Variants in EPHA4 observed in about 807,000 individuals in gnomAD.
EPHA4 encodes the protein ephrin type-A receptor 4.
In EPHA4, 19 loss-of-function variants were observed where a neutral mutation model predicts 108.3. The ratio of observed to expected loss-of-function variants is 0.18; its 90% CI spans 0.12 to 0.26. The LOEUF (loss-of-function observed/expected upper bound fraction) is 0.26, where lower values mean the gene tolerates loss of function less well. Among genes scored for constraint, EPHA4 ranks in the 10% least tolerant of loss-of-function variants. The pLI is 1.00. For synonymous variants in EPHA4, 449 were observed against 455.5 expected (o/e 0.99, Z 0.18); for missense variants, 917 against 1,254.0 (o/e 0.73, Z 4.06).
chr2:221,548,547 CTTT>C (rs554591058), intron 3 of EPHA4, among the ~76,000 whole-genome samples: 4,419 of 146,932 alleles, frequency 0.03, 115 homozygotes, highest in Non-Finnish European at 0.046. Context: ...AATTAAACCA[CTTT>C]TTTTTTTTAA....
At position 221,501,180 on chromosome 2, in the gene EPHA4, G is replaced by C. The variant is rs769261918; in HGVS notation, c.824-8C>G. 3 of 1,561,928 alleles carry C rather than the reference G, an allele frequency of 1.9e-6. No individual in the cohort carries two copies. Among genetic ancestry groups the C allele is most frequent in the Non-Finnish European group, 8.6e-7 (1 of 1,157,384 alleles). On this transcript the variant is annotated splice_region_variant and splice_polypyrimidine_tract_variant and intron_variant, in intron 3 of 17. Transcript: ENST00000281821. ...AATATCCAATTTTGCAAGCTGCAGG[G>C]AAGAAGAAAAAAACAAACAAATAGA...
In EPHA4 at chr2:221,469,488, T is replaced by A. The variant is rs186034634; in HGVS notation, c.1319-11498A>T. On this transcript the variant is annotated intron_variant, in intron 5 of 17. Coordinates refer to ENST00000281821, the MANE Select transcript of EPHA4 (RefSeq NM_004438.5). ...CCTTTTAAATTAGATTTCTATTTTT[T>A]ATTTCTCAAACTAACAGAACCCATG... Among the ~76,000 whole-genome samples the A allele has an allele frequency of 3.3e-3, 507 of 152,330 alleles. 2 individuals are homozygous for A. Among genetic ancestry groups the A allele is most frequent in the African/African-American group, 0.012 (487 of 41,590 alleles).
chr2:221,562,201 C>T (rs897700615), intron 3 of EPHA4, among the ~76,000 whole-genome samples: 1 of 141,594 alleles, frequency 7.1e-6, no homozygotes, highest in Admixed American at 7.2e-5. Context: ...TAAATTTACA[C>T]ATTTCCTTTT....
At chr2:221,567,102 T>C (rs2106212666) in intron 2 of EPHA4, among the ~76,000 whole-genome samples, 1 of 152,226 alleles carries the variant, frequency 6.6e-6, no homozygotes, top group African/African-American at 2.4e-5. Flanking sequence ...CAGTCCTTGC[T>C]GTCATATAGC....
At chr2:221,421,646 A>G (rs1329353725) in intron 17 of EPHA4, among the ~76,000 whole-genome samples, 1 of 152,226 alleles carries the variant, frequency 6.6e-6, no homozygotes, top group Non-Finnish European at 1.5e-5. Context: ...TTGTCACATA[A>G]TCAACTCAAA....
At chr2:221,529,904 C>A (rs1693456097) in intron 3 of EPHA4, among the ~76,000 whole-genome samples, 1 of 152,170 alleles carries the variant, frequency 6.6e-6, no homozygotes, top group African/African-American at 2.4e-5. Context: ...AGAAAAAGGG[C>A]TCTCTTGTGA....
At chr2:221,499,747 TA>T (rs57083472) in intron 4 of EPHA4, among the ~76,000 whole-genome samples, 1,838 of 56,480 alleles carry the variant, frequency 0.033, 36 homozygotes, top group African/African-American at 0.052. Flanking sequence ...TATATATATA[TA>T]TATATATATT....
In EPHA4 at chr2:221,501,161, C is replaced by G; in HGVS notation, c.835G>C (p.Gly279Arg). ...RSGECQACKI[G>R]YYKALSTDAT... The stretch of plus-strand genomic sequence containing the variant: ...TCCGTGGAGAGAGCCTTGTAATATC[C>G]AATTTTGCAAGCTGCAGGGAAGAAG... Residue 279 changes from glycine (G) to arginine (R), a missense_variant, in exon 4 of 18, where the codon GGA becomes CGA. Around this residue, in one of 3 missense-constraint regions of EPHA4, gnomAD observed 758 missense variants for 1,076.7 expected, o/e 0.70. Coordinates refer to ENST00000281821, the MANE Select transcript of EPHA4 (RefSeq NM_004438.5). 6.3e-7 allele frequency: 1 copy of G among 1,598,424 alleles called. No individual in the cohort carries two copies. The highest frequency in any genetic ancestry group is 8.5e-7 in the Non-Finnish European group (1 of 1,173,526).
intron 4 of EPHA4, among the ~76,000 whole-genome samples, chr2:221,492,212 G>C (rs905956704): frequency 6.6e-6 from 1 of 152,034 alleles, no homozygotes; most frequent in African/African-American, 2.4e-5. Flanking sequence ...TAATAACCTG[G>C]CTAAATGGCA....
chr2:221,459,766 A>G (rs1435263803), intron 5 of EPHA4, among the ~76,000 whole-genome samples: 1 of 152,232 alleles, frequency 6.6e-6, no homozygotes, highest in African/African-American at 2.4e-5. Context: ...CACTCCATAA[A>G]AAGGAGCTCT....
In EPHA4 at chr2:221,566,824, A is replaced by G. The variant is rs1489022653; in HGVS notation, c.159+1894T>C. 2.4e-4 allele frequency among the ~76,000 whole-genome samples: 33 copies of G among 140,018 alleles called. 2 individuals carry two copies. Among genetic ancestry groups the G allele is most frequent in the African/African-American group, 8.1e-4 (29 of 35,616 alleles). The allele number at this position is 140,018 out of a possible 152,430, so 91.9% of individuals were successfully genotyped here. Reference sequence around the variant, plus strand: ...GAGGGAGAAGAAGAAGAAGGAGAAGAAGGAGAAGGAGAAGAAGGAGAAGGA... The same window carrying G: ...GAGGGAGAAGAAGAAGAAGGAGAAGGAGGAGAAGGAGAAGAAGGAGAAGGA... On this transcript the variant is annotated intron_variant, in intron 2 of 17. Coordinates refer to ENST00000281821, the MANE Select transcript of EPHA4 (RefSeq NM_004438.5).
chr2:221,449,906 AG>A (rs1297349019), intron 8 of EPHA4, among the ~76,000 whole-genome samples: 1 of 152,250 alleles, frequency 6.6e-6, no homozygotes, highest in African/African-American at 2.4e-5. Context: ...GTCCCTTTCC[AG>A]CACTGAACGG....
At chr2:221,560,660 T>C (rs571848479) in intron 3 of EPHA4, among the ~76,000 whole-genome samples, 1 of 152,324 alleles carries the variant, frequency 6.6e-6, no homozygotes, top group South Asian at 2.1e-4. Flanking sequence ...TTGCATGATC[T>C]CTGAGGTGAC....
chr2:221,446,839 G>T (rs1003750418), intron 8 of EPHA4, among the ~76,000 whole-genome samples: 1 of 152,264 alleles, frequency 6.6e-6, no homozygotes, highest in South Asian at 2.1e-4. Context: ...GTAAAAAAAT[G>T]AGCAAGGGTA....
In EPHA4 at chr2:221,425,285, C is replaced by T. The variant is rs1025695381; in HGVS notation, c.*743G>A. On this transcript the variant is annotated 3_prime_UTR_variant, in exon 17 of 18. Coordinates refer to ENST00000281821, the MANE Select transcript of EPHA4 (RefSeq NM_004438.5). ...ATTCCAGATTGTCACAGCCCACTAT[C>T]CACAAGATAGTTAGGACAAGTTTGT... is the stretch of plus-strand genomic sequence containing the variant. 8 of 152,150 alleles carry T rather than the reference C, an allele frequency of 5.3e-5. No individual in the cohort carries two copies. Among genetic ancestry groups the T allele is most frequent in the Admixed American group, 3.9e-4 (6 of 15,214 alleles). 9.4% of individuals were successfully genotyped at this position (152,150 alleles called of 1,614,324 possible). A position where few individuals can be genotyped will look rare whatever the true frequency, so the allele number is the denominator to read the frequency against.
At chr2:221,445,972 T>A (rs1405807731) in intron 9 of EPHA4, 151 bp downstream of exon 9, 1 of 361,660 alleles carries the variant, frequency 2.8e-6, no homozygotes, top group Non-Finnish European at 4.7e-6. Flanking sequence ...CCATTTCAGT[T>A]TGATACCTAG....
intron 3 of EPHA4, among the ~76,000 whole-genome samples, chr2:221,552,499 C>T (rs1286068233): frequency 6.6e-5 from 10 of 152,150 alleles, no homozygotes; most frequent in African/African-American, 1.7e-4. Context: ...TCCTAGGGTT[C>T]TTCAAAACTC....
chr2:221,463,995 G>A (rs941392267), intron 5 of EPHA4, among the ~76,000 whole-genome samples: 1 of 152,138 alleles, frequency 6.6e-6, no homozygotes, highest in Non-Finnish European at 1.5e-5. Flanking sequence ...AGGTGAGCTA[G>A]GAAATAAACA....
chr2:221,514,800 A>C (rs1057346057), intron 3 of EPHA4, among the ~76,000 whole-genome samples: 2 of 152,216 alleles, frequency 1.3e-5, no homozygotes, highest in African/African-American at 2.4e-5. Context: ...TGATGTTGAC[A>C]TGCTCCCAAA....
Sources: gnomAD v4.1 joint callset for allele counts (sites outside exome capture counted in the v4.1 genomes callset) on GRCh38, gnomAD v4.1.1 for gene constraint, gnomAD v4.1.1 regional missense constraint, MANE v1.5 for transcripts, NCBI Gene and HGNC (gene_info 2026-07-23, HGNC 2026-07-21) for gene names.